The following SURF2 variants were observed in gnomAD, a reference collection of about 807,000 sequenced individuals.
SURF2 encodes the protein surfeit 2.
In SURF2, 32 loss-of-function variants were observed where a neutral mutation model predicts 26.2. That is an observed-to-expected ratio of 1.22 (90% CI 0.92 to 1.64). The LOEUF is 1.64. SURF2 is among the 40% of genes most tolerant of loss of function. The pLI, the probability that SURF2 is intolerant of heterozygous loss-of-function variation, is 0.00. For synonymous variants in SURF2, 173 were observed against 139.1 expected, an observed-to-expected ratio of 1.24 and a Z score of -1.71; for missense variants, 415 against 341.6, an observed-to-expected ratio of 1.21 and a Z score of -1.69.
At chr9:133,356,890 T>C (rs1277443288) in intron 1 of SURF2, 24 bp from the exon 2 acceptor site, 3 of 1,533,894 alleles carry the variant, frequency 2.0e-6, no homozygotes, top group South Asian at 1.2e-5. Context: ...CCTCCTGACG[T>C]CCTGCCCGCC....
chr9:133,357,006 C>T lies in SURF2; in HGVS notation c.171C>T (p.Arg57=), dbSNP rs2130031960. 2 of 1,569,012 alleles carry T rather than the reference C, an allele frequency of 1.3e-6. No individual in the cohort carries two copies. The highest frequency in any genetic ancestry group is 1.2e-5 in the South Asian group (1 of 85,516). Residue 57 remains arginine (R), a synonymous_variant, in exon 2 of 6, where the codon CGC becomes CGT. Coordinates refer to ENST00000371964, the MANE Select transcript of SURF2 (RefSeq NM_017503.5). ...GCAAAAAGTACCAGCGGCTGGTCCG[C>T]GCCTCCCCGGCCTTCGACTATGCAG... ...TRGKKYQRLV[R]ASPAFDYAEF... is the part of the protein sequence containing the mutation.
intron 3 of SURF2, among the ~76,000 whole-genome samples, chr9:133,359,502 G>A (rs1216577221): frequency 2.0e-5 from 3 of 152,240 alleles, no homozygotes; most frequent in African/African-American, 7.2e-5. Context: ...GCAAAGGCCA[G>A]GCAGCCAACC....
intron 3 of SURF2, 86 bp downstream of exon 3, chr9:133,357,900 C>A: frequency 7.7e-7 from 1 of 1,299,202 alleles, no homozygotes; most frequent in South Asian, 1.3e-5. Flanking sequence ...GAAGGCAGGT[C>A]GTCCTTCAGC....
At chr9:133,357,444 A>C (rs2130034234) in intron 2 of SURF2, among the ~76,000 whole-genome samples, 1 of 152,192 alleles carries the variant, frequency 6.6e-6, no homozygotes, top group Non-Finnish European at 1.5e-5. Flanking sequence ...CCCTTGCTCC[A>C]GGTGGAGCCA....
intron 3 of SURF2, 45 bp from the exon 4 acceptor site, chr9:133,359,905 G>GT (rs2130044617): frequency 6.4e-7 from 1 of 1,560,040 alleles, no homozygotes; most frequent in East Asian, 2.3e-5. Flanking sequence ...CCAGAGGACC[G>GT]TGGGGGGTGT....
intron 2 of SURF2, 29 bp from the exon 3 acceptor site, chr9:133,357,682 C>G (rs1836644443): frequency 6.2e-7 from 1 of 1,605,346 alleles, no homozygotes; most frequent in Non-Finnish European, 8.5e-7. Flanking sequence ...GTGAACTGTC[C>G]CTACAAATTT....
chr9:133,360,200 C>T (rs1836725044), intron 4 of SURF2, 65 bp from the exon 5 acceptor site: 2 of 1,595,144 alleles, frequency 1.3e-6, no homozygotes, highest in African/African-American at 2.7e-5. Context: ...GTGCTGCCTC[C>T]CCTGCAAAGG....
At position 133,356,955 on chromosome 9, in the gene SURF2, G is replaced by T. The variant is rs2130031509; in HGVS notation, c.120G>T (p.Leu40=). Residue 40 remains leucine, a synonymous_variant, in exon 2 of 6, where the codon CTG becomes CTT. Coordinates refer to ENST00000371964, the MANE Select transcript of SURF2 (RefSeq NM_017503.5). ...CAGGTCACGAGCTGCCCTGCCGCCT[G>T]CCGGAGCTCCAGGTCTACACCCGCG... ...ILTGHELPCR[L]PELQVYTRGK... 1.1e-5 allele frequency: 17 copies of T among 1,568,216 alleles called. No individual in the cohort carries two copies. In the South Asian group the frequency reaches 1.9e-4, roughly 17 times the overall value.
chr9:133,359,777 C>G (rs1205536517), intron 3 of SURF2, among the ~76,000 whole-genome samples, 173 bp from the exon 4 acceptor site: 1 of 152,268 alleles, frequency 6.6e-6, no homozygotes, highest in Non-Finnish European at 1.5e-5. Flanking sequence ...GCCCACCACC[C>G]TCCCTGCACA....
At chr9:133,356,878 G>T in intron 1 of SURF2, 36 bp from the exon 2 acceptor site, 1 of 1,518,642 alleles carries the variant, frequency 6.6e-7, no homozygotes, top group Non-Finnish European at 8.8e-7. Context: ...CGGAGCCCTG[G>T]CCCTCCTGAC....
intron 1 of SURF2, 102 bp downstream of exon 1, chr9:133,356,772 A>AG: frequency 1.1e-6 from 1 of 947,702 alleles, no homozygotes; most frequent in Non-Finnish European, 1.4e-6. Context: ...GAGAGGGGAG[A>AG]GGGGAGAGCA....
intron 3 of SURF2, among the ~76,000 whole-genome samples, chr9:133,358,359 T>C (rs2130039448): frequency 2.0e-5 from 3 of 151,774 alleles, no homozygotes; most frequent in Non-Finnish European, 4.4e-5. Flanking sequence ...GTGTGCATGG[T>C]TGAGAAGGGA....
rs2130045229 is a variant in SURF2 at position 133,359,941 on chromosome 9, A to G, written c.338-9A>G. The G allele has an allele frequency of 6.2e-6, 10 of 1,603,608 alleles. No homozygotes were observed. The African/African-American group carries it at 1.1e-4, about 17-fold the overall frequency. ...GGAGGTACCCAGCACGTGCTGGCTTATCTCCCAGATGAAGAATGTCAGAAG... is the reference window on the plus strand; with the variant it reads ...GGAGGTACCCAGCACGTGCTGGCTTGTCTCCCAGATGAAGAATGTCAGAAG... On this transcript the variant is annotated splice_polypyrimidine_tract_variant and intron_variant, in intron 3 of 5. Transcript: ENST00000371964.
chr9:133,360,036 G>A lies in SURF2; in HGVS notation c.424G>A (p.Asp142Asn), dbSNP rs2130046671. ...RRRREDQMDG[D>N]GPRPREAFWE... ...GAGGAGGGAGGACCAGATGGACGGT[G>A]ACGGGCCTCGCCCGCGGGAAGCCTT... The change falls in exon 4 of 6, where the codon GAC (aspartate) becomes AAC (asparagine). Residue 142 changes from aspartate (D) to asparagine (N), a missense_variant. Asp to Asn is a conservative substitution (Grantham distance 23). Coordinates refer to ENST00000371964, the MANE Select transcript of SURF2 (RefSeq NM_017503.5). The A allele has an allele frequency of 6.8e-6, 11 of 1,614,102 alleles. No individual in the cohort carries two copies. The highest frequency in any genetic ancestry group is 1.7e-6 in the Non-Finnish European group (2 of 1,179,976).
rs2130049635 is a variant in SURF2, at chr9:133,360,271, T to C, written c.524T>C (p.Leu175Pro). 2 of 1,613,794 alleles carry C rather than the reference T, an allele frequency of 1.2e-6. No individual in the cohort carries two copies. The highest frequency in any genetic ancestry group is 1.1e-5 in the South Asian group (1 of 91,052). Residue 175 changes from leucine to proline, a missense_variant, in exon 5 of 6, where the codon CTA becomes CCA. Physicochemically the swap from Leu to Pro is moderately conservative, Grantham distance 98. Coordinates refer to ENST00000371964, the MANE Select transcript of SURF2 (RefSeq NM_017503.5). ...ATCCCTGTGTTCCTCCCAGCTGAGC[T>C]ATTCACCAGAAAGGACCTTGGAAGC... Reference protein sequence around the residue: ...DSMTDLYPPELFTRKDLGSTE... With the variant: ...DSMTDLYPPEPFTRKDLGSTE...
At position 133,356,961 on chromosome 9, in the gene SURF2, G is replaced by T. The variant is rs147130795; in HGVS notation, c.126G>T (p.Glu42Asp). 2 of 1,569,338 alleles carry T rather than the reference G, an allele frequency of 1.3e-6. No homozygotes were observed. The highest frequency in any genetic ancestry group is 1.7e-6 in the Non-Finnish European group (2 of 1,157,700). Residue 42 changes from glutamate to aspartate, a missense_variant, in exon 2 of 6, where the codon GAG becomes GAT. Transcript: ENST00000371964. ...ACGAGCTGCCCTGCCGCCTGCCGGA[G>T]CTCCAGGTCTACACCCGCGGCAAAA... The part of the protein sequence containing the change: ...TGHELPCRLP[E>D]LQVYTRGKKY...
Position 133,360,271 on chromosome 9 carries a change from T to G in SURF2, c.524T>G (p.Leu175Arg). The change falls in exon 5 of 6, where the codon CTA becomes CGA. Residue 175 changes from leucine to arginine, a missense_variant. Physicochemically the swap from Leu to Arg is moderately radical, Grantham distance 102. Transcript: ENST00000371964. ...ATCCCTGTGTTCCTCCCAGCTGAGC[T>G]ATTCACCAGAAAGGACCTTGGAAGC... is the stretch of plus-strand genomic sequence containing the variant. The part of the protein sequence containing the change: ...DSMTDLYPPE[L>R]FTRKDLGSTE... 6.2e-7 allele frequency: 1 copy of G among 1,613,794 alleles called. No individual in the cohort carries two copies. The highest frequency in any genetic ancestry group is 8.5e-7 in the Non-Finnish European group (1 of 1,179,862).
rs2130040127 is a variant in SURF2, at chr9:133,358,563, A to G, written c.337+749A>G. On this transcript the variant is annotated intron_variant, in intron 3 of 5. Coordinates refer to ENST00000371964, the MANE Select transcript of SURF2 (RefSeq NM_017503.5). ...CGTGGATCTGGGTGAGCACCCGGCG[A>G]GAGTTTAGAGAAGGGAGAGAGGCCT... Among the ~76,000 whole-genome samples, 297 of 152,170 alleles carry G rather than the reference A, an allele frequency of 2.0e-3. 1 individual carries two copies. The highest frequency in any genetic ancestry group is 6.9e-3 in the African/African-American group (285 of 41,514).
Position 133,356,996 on chromosome 9 carries a change from G to C in SURF2, c.161G>C (p.Arg54Pro). The part of the protein sequence containing the change: ...QVYTRGKKYQ[R>P]LVRASPAFDY... ...TACACCCGCGGCAAAAAGTACCAGC[G>C]GCTGGTCCGCGCCTCCCCGGCCTTC... Residue 54 changes from arginine to proline, a missense_variant, in exon 2 of 6, where the codon CGG (arginine) becomes CCG (proline). Transcript: ENST00000371964. 1 of 1,569,688 alleles carries C rather than the reference G, an allele frequency of 6.4e-7. No homozygotes were observed. The highest frequency in any genetic ancestry group is 8.6e-7 in the Non-Finnish European group (1 of 1,158,412).
Sources: gnomAD v4.1 joint callset for allele counts (sites outside exome capture counted in the v4.1 genomes callset) on GRCh38, gnomAD v4.1.1 for gene constraint, MANE v1.5 for transcripts, NCBI Gene and HGNC (gene_info 2026-07-23, HGNC 2026-07-21) for gene names.